Variants in ADGRV1 observed in about 807,000 individuals in gnomAD.
ADGRV1 encodes the protein G-protein coupled receptor 98.
In ADGRV1, 359 loss-of-function variants were observed where a neutral mutation model predicts 596.2. The observed-to-expected ratio is 0.60, with a 90% CI of 0.55 to 0.66. The LOEUF (loss-of-function observed/expected upper bound fraction) is 0.66, where lower values mean the gene tolerates loss of function less well. ADGRV1 is among the 30% of genes least tolerant of loss of function. The pLI, the probability that ADGRV1 is intolerant of heterozygous loss-of-function variation, is 0.00. For missense variants in ADGRV1, 7,274 were observed against 7,575.6 expected, an observed-to-expected ratio of 0.96 and a Z score of 1.48; for synonymous variants, 2,681 against 2,679.2, an observed-to-expected ratio of 1.00 and a Z score of -0.02.
At chr5:90,766,118 C>T (rs1053275360) in intron 59 of ADGRV1, among the ~76,000 whole-genome samples, 1 of 152,036 alleles carries the variant, frequency 6.6e-6, no homozygotes, top group Non-Finnish European at 1.5e-5. Context: ...ACTGTGTTAG[C>T]CAGGATGGTC....
chr5:90,621,272 G>T (rs1487599752), intron 4 of ADGRV1, among the ~76,000 whole-genome samples: 1 of 152,116 alleles, frequency 6.6e-6, no homozygotes, highest in Non-Finnish European at 1.5e-5. Context: ...ACAATTGGTT[G>T]TATTGTATGT....
intron 83 of ADGRV1, among the ~76,000 whole-genome samples, chr5:90,928,664 G>A (rs775494754): frequency 6.7e-5 from 10 of 149,184 alleles, no homozygotes; most frequent in East Asian, 6.0e-4. Context: ...GCTTTGTTCC[G>A]TTGCTGGTGA....
At position 90,725,584 on chromosome 5, in the gene ADGRV1, A is replaced by G; in HGVS notation, c.10089A>G (p.Val3363=). The change falls in exon 48 of 90, where the codon GTA becomes GTG. Residue 3363 remains valine, a synonymous_variant. Coordinates refer to ENST00000405460, the MANE Select transcript of ADGRV1 (RefSeq NM_032119.4). ...TCATTATTCTGGAAAGTTCTCAAGT[A>G]AGATATTTTACTTCAGACAGCCAAG... is the stretch of plus-strand genomic sequence containing the variant. ...QTIIILESSQ[V]RYFTSDSQDY... The G allele has an allele frequency of 1.3e-6, 2 of 1,581,438 alleles. No individual in the cohort carries two copies. The highest frequency in any genetic ancestry group is 1.7e-6 in the Non-Finnish European group (2 of 1,150,962).
At chr5:91,060,398 A>ATATATATATATATTTTTT (rs796332430) in intron 85 of ADGRV1, among the ~76,000 whole-genome samples, 2 of 60,478 alleles carry the variant, frequency 3.3e-5, no homozygotes, top group African/African-American at 9.3e-5. Flanking sequence ...ATATATATAT[A>ATATATATATATATTTTTT]TTTTTTTTTT....
chr5:90,921,516 C>T (rs1015747150), intron 83 of ADGRV1, among the ~76,000 whole-genome samples: 1 of 152,066 alleles, frequency 6.6e-6, no homozygotes, highest in African/African-American at 2.4e-5. Context: ...GTAACATAAA[C>T]TTCATCCTTC....
At chr5:90,826,914 T>C (rs1009370962) in intron 76 of ADGRV1, among the ~76,000 whole-genome samples, 3 of 152,192 alleles carry the variant, frequency 2.0e-5, no homozygotes, top group African/African-American at 7.2e-5. Flanking sequence ...TGGGCCAAGA[T>C]TAGAACTCAT....
chr5:90,908,285 C>A (rs1374439176), intron 83 of ADGRV1, among the ~76,000 whole-genome samples: 1 of 152,010 alleles, frequency 6.6e-6, no homozygotes, highest in African/African-American at 2.4e-5. Flanking sequence ...GTTACATGAA[C>A]TATTTGACAT....
At chr5:90,731,382 TC>T (rs1752522700) in intron 50 of ADGRV1, among the ~76,000 whole-genome samples, 1 of 152,084 alleles carries the variant, frequency 6.6e-6, no homozygotes, top group Admixed American at 6.5e-5. Flanking sequence ...ACCAGGTCCC[TC>T]CCCCAACACT....
rs879250689 is a variant in ADGRV1, at chr5:90,840,897, T to G, written c.16931T>G (p.Leu5644Arg). The G allele has an allele frequency of 6.3e-7, 1 of 1,589,816 alleles. No homozygotes were observed. The highest frequency in any genetic ancestry group is 1.2e-5 in the South Asian group (1 of 86,760). Residue 5644 changes from leucine (L) to arginine (R), a missense_variant, in exon 78 of 90, where the codon CTC becomes CGC. By Grantham distance (102) the Leu-to-Arg change is moderately radical. Transcript: ENST00000405460. ...CATCAGCCTGTGAATGATGATATTC[T>G]CAACAGAGTGCTCCATACCATCAGC... is the stretch of plus-strand genomic sequence containing the variant. ...QLHQPVNDDI[L>R]NRVLHTISMK...
rs1374255746 is a variant in ADGRV1, at chr5:90,745,105, A to C, written c.10609A>C (p.Asn3537His). The C allele has an allele frequency of 6.2e-7, 1 of 1,613,782 alleles. No homozygotes were observed. The change falls in exon 51 of 90, where the codon AAT becomes CAT. Residue 3537 changes from asparagine (N) to histidine (H), a missense_variant. Coordinates refer to ENST00000405460, the MANE Select transcript of ADGRV1 (RefSeq NM_032119.4). ...SALYCWNSER[N>H]QFSFVLEVPS... ...TCTTTACTGCTGGAATTCGGAGCGT[A>C]ATCAATTCTCTTTTGTTCTGGAAGT...
chr5:90,575,087 G>A (rs1458682907), intron 1 of ADGRV1, among the ~76,000 whole-genome samples: 3 of 151,258 alleles, frequency 2.0e-5, no homozygotes, highest in African/African-American at 7.3e-5. Flanking sequence ...TCTTGATTTT[G>A]TTAAGTTCTT....
chr5:90,693,151 T>TTTTTTTTTCTTC (rs1423483356), intron 32 of ADGRV1, among the ~76,000 whole-genome samples: 1 of 151,742 alleles, frequency 6.6e-6, no homozygotes, highest in African/African-American at 2.4e-5. Context: ...TTTTTTTCTT[T>TTTTTTTTTCTTC]TTTTGTGAGG....
intron 77 of ADGRV1, among the ~76,000 whole-genome samples, chr5:90,830,414 G>A (rs868369557): frequency 2.6e-5 from 4 of 152,234 alleles, no homozygotes; most frequent in Middle Eastern, 3.4e-3. Context: ...CCCATAAAAT[G>A]TATATCGTTA....
intron 83 of ADGRV1, among the ~76,000 whole-genome samples, chr5:90,882,098 T>C (rs1312175121): frequency 6.6e-6 from 1 of 152,180 alleles, no homozygotes; most frequent in Admixed American, 6.5e-5. Context: ...GGTAGAAAAT[T>C]GCAGATTTCC....
At chr5:90,595,467 C>T (rs1157468972) in intron 1 of ADGRV1, among the ~76,000 whole-genome samples, 5 of 68,020 alleles carry the variant, frequency 7.4e-5, no homozygotes, top group Admixed American at 2.2e-4. Flanking sequence ...CCGGACGGGG[C>T]GGCTGGCCGG....
intron 85 of ADGRV1, among the ~76,000 whole-genome samples, chr5:91,031,880 C>T (rs1784509471): frequency 6.6e-6 from 1 of 151,940 alleles, no homozygotes; most frequent in African/African-American, 2.4e-5. Flanking sequence ...ATCCTAGATC[C>T]CTGCGCTTGC....
At chr5:90,789,152 T>C (rs1230561997) in intron 68 of ADGRV1, among the ~76,000 whole-genome samples, 1 of 152,154 alleles carries the variant, frequency 6.6e-6, no homozygotes, top group Non-Finnish European at 1.5e-5. Flanking sequence ...TTCAGTTGTT[T>C]AGATGAGGCC....
chr5:91,052,097 C>T (rs886732673), intron 85 of ADGRV1, among the ~76,000 whole-genome samples: 3 of 151,892 alleles, frequency 2.0e-5, no homozygotes, highest in African/African-American at 7.2e-5. Context: ...TAAAATTAAT[C>T]TCCTTTTCTT....
At chr5:90,902,456 A>T (rs1160597590) in intron 83 of ADGRV1, among the ~76,000 whole-genome samples, 1 of 152,136 alleles carries the variant, frequency 6.6e-6, no homozygotes, top group African/African-American at 2.4e-5. Flanking sequence ...ACCAAGTTAC[A>T]TATGTTGCCT....
Sources: allele counts gnomAD v4.1 joint callset (sites outside exome capture counted in the v4.1 genomes callset), GRCh38; gene constraint gnomAD v4.1.1; transcripts MANE v1.5; gene names NCBI Gene and HGNC (gene_info 2026-07-23, HGNC 2026-07-21).